ZNF385D: variants seen among roughly 807,000 people sequenced by gnomAD.
The protein encoded by ZNF385D is zinc finger protein 385D, also known as zinc finger protein 659.
A neutral mutation model predicts 35.8 loss-of-function variants in ZNF385D; 15 were observed. The observed-to-expected ratio is 0.42, with a 90% confidence interval of 0.28 to 0.64. ZNF385D has a LOEUF of 0.64. Ranked by LOEUF, ZNF385D falls within the 30% of genes least tolerant of loss-of-function variation. The pLI, the probability that ZNF385D is intolerant of heterozygous loss-of-function variation, is 0.23. For synonymous variants in ZNF385D, 212 were observed against 186.8 expected (o/e 1.13, Z -1.10); for missense variants, 474 against 494.6 (o/e 0.96, Z 0.39).
chr3:22,351,689 AAAT>A (rs1009400987), intron 2 of ZNF385D, among the ~76,000 whole-genome samples: 1 of 152,178 alleles, frequency 6.6e-6, no homozygotes, highest in African/African-American at 2.4e-5. Flanking sequence ...GTTTGAGACT[AAAT>A]AAATACATAT....
chr3:21,931,616 G>T (rs890268538), intron 3 of ZNF385D, among the ~76,000 whole-genome samples: 2 of 152,126 alleles, frequency 1.3e-5, no homozygotes, highest in African/African-American at 2.4e-5. Context: ...ATATGGAAGC[G>T]TCCCCAACAT....
intron 4 of ZNF385D, among the ~76,000 whole-genome samples, chr3:21,488,113 A>AT (rs1030830545): frequency 1.9e-4 from 28 of 151,178 alleles, no homozygotes; most frequent in African/African-American, 3.9e-4. Context: ...TTTTGGATAT[A>AT]TTTTTTTTTA....
chr3:21,424,327 T>TATATATATATATTTATATATA (rs1700907292), intron 6 of ZNF385D, among the ~76,000 whole-genome samples: 2 of 53,672 alleles, frequency 3.7e-5, no homozygotes, highest in Non-Finnish European at 8.6e-5. Context: ...ATTTTTTTTT[T>TATATATATATATTTATATATA]TTTTTGAGAT....
intron 3 of ZNF385D, among the ~76,000 whole-genome samples, chr3:21,862,808 C>T: frequency 6.6e-6 from 1 of 152,070 alleles, no homozygotes; most frequent in East Asian, 1.9e-4. Flanking sequence ...ATTGTTTTGC[C>T]AACAGCTCTT....
intron 3 of ZNF385D, among the ~76,000 whole-genome samples, chr3:22,066,026 G>A (rs1011893286): frequency 1.3e-5 from 2 of 151,974 alleles, no homozygotes; most frequent in Admixed American, 6.6e-5. Flanking sequence ...AAATAAGACC[G>A]TTCTTACAAC....
chr3:21,577,448 T>G (rs1444234525), intron 2 of ZNF385D, among the ~76,000 whole-genome samples: 1 of 152,222 alleles, frequency 6.6e-6, no homozygotes, highest in Non-Finnish European at 1.5e-5. Flanking sequence ...TTAGCTATTG[T>G]GCATAATACT....
intron 3 of ZNF385D, among the ~76,000 whole-genome samples, chr3:21,819,836 A>AATACACATAT (rs1369675743): frequency 6.8e-6 from 1 of 147,948 alleles, no homozygotes; most frequent in Non-Finnish European, 1.5e-5. Flanking sequence ...ATACAAATAT[A>AATACACATAT]ATACACATAT....
At chr3:21,720,807 A>C (rs985642983) in intron 1 of ZNF385D, among the ~76,000 whole-genome samples, 1 of 152,206 alleles carries the variant, frequency 6.6e-6, no homozygotes, top group Non-Finnish European at 1.5e-5. Flanking sequence ...ATTTAATTTA[A>C]AGACCTTCTA....
chr3:21,636,354 T>TTTTATATATATA (rs1559478563), intron 2 of ZNF385D, among the ~76,000 whole-genome samples: 16 of 109,806 alleles, frequency 1.5e-4, no homozygotes, highest in African/African-American at 5.0e-4. Flanking sequence ...ATATATATGA[T>TTTTATATATATA]TATATATGAT....
chr3:21,432,264 A>ACCT (rs2125220434), intron 5 of ZNF385D, among the ~76,000 whole-genome samples: 1 of 12,466 alleles, frequency 8.0e-5, no homozygotes, highest in African/African-American at 2.6e-4. Context: ...ATTTTAATCA[A>ACCT]TCTTATCCTT....
intron 1 of ZNF385D, among the ~76,000 whole-genome samples, chr3:21,670,509 C>T (rs1253552509): frequency 2.6e-5 from 4 of 151,458 alleles, no homozygotes; most frequent in Admixed American, 6.6e-5. Flanking sequence ...CTATGTCCAC[C>T]GGGCAAGAGA....
At chr3:22,280,835 A>C (rs1049653746) in intron 2 of ZNF385D, among the ~76,000 whole-genome samples, 1 of 151,792 alleles carries the variant, frequency 6.6e-6, no homozygotes, top group African/African-American at 2.4e-5. Context: ...AATTGTATTA[A>C]TTTGTAGATT....
chr3:21,423,038 A>G (rs980336858), intron 7 of ZNF385D, among the ~76,000 whole-genome samples: 11 of 152,214 alleles, frequency 7.2e-5, no homozygotes, highest in Admixed American at 2.6e-4. Context: ...GAAGAGAAGA[A>G]GTCAAACTAT....
At chr3:22,099,242 A>G (rs1157321374) in intron 3 of ZNF385D, among the ~76,000 whole-genome samples, 1 of 152,128 alleles carries the variant, frequency 6.6e-6, no homozygotes, top group Non-Finnish European at 1.5e-5. Context: ...AGCTACTGTT[A>G]TGGCATATAC....
intron 3 of ZNF385D, among the ~76,000 whole-genome samples, chr3:21,858,669 T>C (rs73146823): frequency 0.012 from 1,899 of 152,182 alleles, 41 homozygotes; most frequent in African/African-American, 0.039. Context: ...GGGAAATAAA[T>C]GTTTGTCATA....
At chr3:21,767,461 A>G (rs149634435) in intron 3 of ZNF385D, among the ~76,000 whole-genome samples, 159 of 152,106 alleles carry the variant, frequency 1.0e-3, no homozygotes, top group Middle Eastern at 0.01. Flanking sequence ...TCCTTAGCAC[A>G]CCCTTCTTAC....
At chr3:21,718,335 C>T (rs1302746070) in intron 1 of ZNF385D, among the ~76,000 whole-genome samples, 9 of 152,176 alleles carry the variant, frequency 5.9e-5, no homozygotes, top group Admixed American at 5.2e-4. Flanking sequence ...TACTCAGTCT[C>T]CAGAGAAACC....
chr3:22,260,943 T>G (rs963508152), intron 2 of ZNF385D, among the ~76,000 whole-genome samples: 1 of 152,042 alleles, frequency 6.6e-6, no homozygotes, highest in Admixed American at 6.6e-5. Flanking sequence ...CAAAATTACA[T>G]TAAAACATAT....
intron 2 of ZNF385D, among the ~76,000 whole-genome samples, chr3:21,580,524 G>A (rs11716643): frequency 0.2 from 30,445 of 152,068 alleles, 3,827 homozygotes; most frequent in Non-Finnish European, 0.28. Flanking sequence ...ATTGTGGGCA[G>A]TACCTAAGCT....
Sources: allele counts gnomAD v4.1 joint callset (sites outside exome capture counted in the v4.1 genomes callset), GRCh38; gene constraint gnomAD v4.1.1; transcripts MANE v1.5; gene names NCBI Gene and HGNC (gene_info 2026-07-23, HGNC 2026-07-21).